The following ABCA2 variants were observed in gnomAD, a reference collection of about 807,000 sequenced individuals.
ABCA2 encodes ATP-binding cassette sub-family A member 2.
Under a neutral mutation model 262.8 loss-of-function variants are expected in ABCA2, and 84 were observed. That is an observed-to-expected ratio of 0.32 (90% confidence interval 0.27 to 0.38). The LOEUF (loss-of-function observed/expected upper bound fraction) is 0.38. Ranked by LOEUF, ABCA2 falls within the 10% of genes least tolerant of loss-of-function variation. The probability of loss-of-function intolerance (pLI) is 1.00; values close to 1 mark genes in which losing one functional copy is unlikely to be tolerated. For missense variants in ABCA2, 2,662 were observed against 3,405.9 expected, an observed-to-expected ratio of 0.78 and a Z score of 5.44; for synonymous variants, 1,696 against 1,502.9, an observed-to-expected ratio of 1.13 and a Z score of -2.97.
At chr9:137,025,394 C>T (rs561590850) in intron 1 of ABCA2, among the ~76,000 whole-genome samples, 2 of 152,352 alleles carry the variant, frequency 1.3e-5, no homozygotes, top group South Asian at 2.1e-4. Context: ...AGCCCGAGGG[C>T]GAGCACCCAG....
intron 9 of ABCA2, 86 bp from the exon 10 acceptor site, chr9:137,020,581 C>T (rs371409935): frequency 5.2e-5 from 81 of 1,546,106 alleles, no homozygotes; most frequent in Admixed American, 3.1e-4. Context: ...GGCAGGACTT[C>T]GGGGCACAGG....
Position 137,014,738 on chromosome 9 carries a change from A to G in ABCA2, c.3955T>C (p.Phe1319Leu). Residue 1319 changes from phenylalanine to leucine, a missense_variant, in exon 26 of 49, where the codon TTC (phenylalanine) becomes CTC (leucine). Phe to Leu is a conservative substitution (Grantham distance 22, BLOSUM62 0). This residue lies in a region of ABCA2 where 297 missense variants were observed against 286.5 expected (regional missense o/e 1.04). Coordinates refer to ENST00000341511, the MANE Select transcript of ABCA2 (RefSeq NM_001606.5). Reference sequence around the variant, plus strand: ...TGATCCTCCTCCGACACCTTGAGGAACACTTCCTCCAGGGTCGTGTCCATC... The same window carrying G: ...TGATCCTCCTCCGACACCTTGAGGAGCACTTCCTCCAGGGTCGTGTCCATC... The part of the protein sequence containing the change: ...GLMDTTLEEV[F>L]LKVSEEDQSL... 6.2e-7 allele frequency: 1 copy of G among 1,603,820 alleles called. No individual in the cohort carries two copies. The highest frequency in any genetic ancestry group is 8.5e-7 in the Non-Finnish European group (1 of 1,176,518).
chr9:137,015,932 C>T (rs769283372), intron 22 of ABCA2, 30 bp downstream of exon 22: 5 of 1,497,190 alleles, frequency 3.3e-6, no homozygotes, highest in South Asian at 1.2e-5. Context: ...CCTCCGCCCA[C>T]CTGCCCCGCC....
intron 1 of ABCA2, among the ~76,000 whole-genome samples, chr9:137,025,388 C>T (rs73564328): frequency 5.3e-5 from 8 of 152,212 alleles, no homozygotes; most frequent in African/African-American, 1.9e-4. Context: ...CTCCCTAGCC[C>T]GAGGGCGAGC....
At chr9:137,024,346 G>GCC in intron 1 of ABCA2, 110 bp from the exon 2 acceptor site, 2 of 914,508 alleles carry the variant, frequency 2.2e-6, no homozygotes, top group Non-Finnish European at 1.6e-6. Context: ...GCTCCCTGGG[G>GCC]CCAGGGAAGG....
rs875285 is a variant in ABCA2, at chr9:137,018,701, G to T, written c.1819+18C>A. 4 of 1,596,268 alleles carry T rather than the reference G, an allele frequency of 2.5e-6. No homozygotes were observed. The highest frequency in any genetic ancestry group is 1.4e-5 in the African/African-American group (1 of 73,522). ...GAGGTCTGTGGGGGGCTGGGGCGGG[G>T]CGGGGAGGGCAGCTCACTGGCAAAA... On this transcript the variant is annotated intron_variant, in intron 13 of 48. Coordinates refer to ENST00000341511, the MANE Select transcript of ABCA2 (RefSeq NM_001606.5).
rs1055282472 is a variant in ABCA2 at position 137,021,028 on chromosome 9, A to C, written c.931T>G (p.Ser311Ala). Residue 311 changes from serine to alanine, a missense_variant, in exon 9 of 49, where the codon TCG becomes GCG. By Grantham distance (99) the Ser-to-Ala change is moderately conservative. Around this residue, in one of 12 missense-constraint regions of ABCA2, gnomAD observed 403 missense variants for 375.9 expected, o/e 1.07. Coordinates refer to ENST00000341511, the MANE Select transcript of ABCA2 (RefSeq NM_001606.5). The surrounding 1 kb of genome is among the most constrained non-coding windows in gnomAD (Gnocchi z 6.0). ...CTCCGTGGGGGTGGCGCCTGTGGCG[A>C]GGAGTCCGAGCCGTTGGGGGCATCC... is the stretch of plus-strand genomic sequence containing the variant. ...GLDAPNGSDS[S>A]PQAPPPRRLQ... is the part of the protein sequence containing the mutation. 5 of 1,486,048 alleles carry C rather than the reference A, an allele frequency of 3.4e-6. No homozygotes were observed. In the African/African-American group the frequency reaches 7.1e-5, roughly 21 times the overall value. The allele number at this position is 1,486,048 out of a possible 1,614,324, so 92.1% of individuals were successfully genotyped here.
chr9:137,014,172 C>A lies in ABCA2; in HGVS notation c.4236G>T (p.Leu1412=). ...DNPQDPDNVS[L]QEVEAEALSR... ...GCCTCACCCTGCCACCCCCACCTTG[C>A]AGGCTGACATTGTCTGGGTCCTGTG... The change falls in exon 27 of 49, where the codon CTG becomes CTT. Residue 1412 remains leucine (L), a synonymous_variant. Transcript: ENST00000341511. 6.2e-7 allele frequency: 1 copy of A among 1,606,696 alleles called. No individual in the cohort carries two copies. The highest frequency in any genetic ancestry group is 8.5e-7 in the Non-Finnish European group (1 of 1,176,740).
intron 1 of ABCA2, among the ~76,000 whole-genome samples, chr9:137,025,719 C>T (rs1031681801): frequency 6.6e-6 from 1 of 152,066 alleles, no homozygotes; most frequent in African/African-American, 2.4e-5. Flanking sequence ...GGTCACAGCA[C>T]GGGGCGCCAG....
intron 3 of ABCA2, 29 bp from the exon 4 acceptor site, chr9:137,023,081 C>G: frequency 6.6e-7 from 1 of 1,511,158 alleles, no homozygotes; most frequent in Non-Finnish European, 9.0e-7. Context: ...AGGGCAGGGT[C>G]GGGGGTGAAA....
At position 137,013,019 on chromosome 9, in the gene ABCA2, G is replaced by A. The variant is rs955604156; in HGVS notation, c.4850C>T (p.Pro1617Leu). 48 of 1,509,134 alleles carry A rather than the reference G, an allele frequency of 3.2e-5. No homozygotes were observed. The highest frequency in any genetic ancestry group is 9.6e-5 in the African/African-American group (7 of 72,616). The allele number at this position is 1,509,134 out of a possible 1,614,324, so 93.5% of individuals were successfully genotyped here. A position where few individuals can be genotyped will look rare whatever the true frequency, so the allele number is the denominator to read the frequency against. ...ACCACTACCTGGCCCAGCGGTGGGCGGCAGGGAGACGTTCCAGGCCTGCAG... is the reference window on the plus strand; with the variant it reads ...ACCACTACCTGGCCCAGCGGTGGGCAGCAGGGAGACGTTCCAGGCCTGCAG... Reference protein sequence around the residue: ...EDLQAWNVSLPPTAGPEMWTS... With the variant: ...EDLQAWNVSLLPTAGPEMWTS... The change falls in exon 30 of 49, where the codon CCG becomes CTG. Residue 1617 changes from proline (P) to leucine (L), a missense_variant. Pro to Leu is a moderately conservative substitution (Grantham distance 98). Transcript: ENST00000341511.
rs758066301 is a variant in ABCA2 at position 137,018,078 on chromosome 9, G to A, written c.1994-3C>T. On this transcript the variant is annotated splice_region_variant and splice_polypyrimidine_tract_variant and intron_variant, in intron 14 of 48. Coordinates refer to ENST00000341511, the MANE Select transcript of ABCA2 (RefSeq NM_001606.5). ...GATGATGGCGCGCTCCATCATGTCTGTGGGTGGGGGCAGCCATCAGGTGCC... is the reference window on the plus strand; with the variant it reads ...GATGATGGCGCGCTCCATCATGTCTATGGGTGGGGGCAGCCATCAGGTGCC... The A allele has an allele frequency of 1.9e-6, 3 of 1,612,126 alleles. No homozygotes were observed. Among genetic ancestry groups the A allele is most frequent in the Non-Finnish European group, 2.5e-6 (3 of 1,179,722 alleles).
At chr9:137,020,297 C>T in intron 10 of ABCA2, 39 bp downstream of exon 10, 2 of 1,608,676 alleles carry the variant, frequency 1.2e-6, no homozygotes, top group East Asian at 2.2e-5. Context: ...CCCCCTCCCA[C>T]TCTGCCTGTC....
rs2131434323 is a variant in ABCA2, at chr9:137,011,693, C to T, written c.5592G>A (p.Leu1864=). 1 of 1,554,510 alleles carries T rather than the reference C, an allele frequency of 6.4e-7. No homozygotes were observed. Among genetic ancestry groups the T allele is most frequent in the East Asian group, 2.4e-5 (1 of 41,162 alleles). The change falls in exon 36 of 49, where the codon CTG becomes CTA. Residue 1864 remains leucine, a synonymous_variant. Coordinates refer to ENST00000341511, the MANE Select transcript of ABCA2 (RefSeq NM_001606.5). This position sits in a 1 kb window ranked among gnomAD's most constrained non-coding sequence, Gnocchi z 8.8. ...CCVIILFVFD[L]PAYTSPTNFP... ...AGTTGGTGGGCGACGTGTAGGCCGG[C>T]AGGTCGAACACAAACAGGATGATGA... is the stretch of plus-strand genomic sequence containing the variant.
At position 137,010,608 on chromosome 9, in the gene ABCA2, C is replaced by A. The variant is rs752112807; in HGVS notation, c.6174+12G>T. On this transcript the variant is annotated intron_variant, in intron 40 of 48. Transcript: ENST00000341511. Reference sequence around the variant, plus strand: ...CCCCACCCAGGCCCCACCCTACATGCCCAGAGCCCACCTTGGTCAGGTTCT... The same window carrying A: ...CCCCACCCAGGCCCCACCCTACATGACCAGAGCCCACCTTGGTCAGGTTCT... 8 of 1,113,042 alleles carry A rather than the reference C, an allele frequency of 7.2e-6. No individual in the cohort carries two copies. In the East Asian group the frequency reaches 2.1e-4, roughly 29 times the overall value. 68.9% of individuals were successfully genotyped at this position (1,113,042 alleles called of 1,614,324 possible). A position where few individuals can be genotyped will look rare whatever the true frequency, so the allele number is the denominator to read the frequency against.
chr9:137,008,576 T>C lies in ABCA2; in HGVS notation c.7115A>G (p.Gln2372Arg), dbSNP rs200942220. The C allele has an allele frequency of 3.6e-5, 58 of 1,609,438 alleles. No homozygotes were observed. The highest frequency in any genetic ancestry group is 1.4e-5 in the Non-Finnish European group (16 of 1,178,592). ...CAGTGCGGATGGCGGCTCCGTCTCC[T>C]GCTGCTCCAGGTTGTCACTCTGCTT... ...AKKQSDNLEQ[Q>R]ETEPPSALQS... The change falls in exon 48 of 49, where the codon CAG becomes CGG. Residue 2372 changes from glutamine (Q) to arginine (R), a missense_variant. Physicochemically the swap from Gln to Arg is conservative, Grantham distance 43 (BLOSUM62 1). Around this residue, in one of 12 missense-constraint regions of ABCA2, gnomAD observed 212 missense variants for 214.4 expected, o/e 0.99. Coordinates refer to ENST00000341511, the MANE Select transcript of ABCA2 (RefSeq NM_001606.5).
intron 1 of ABCA2, among the ~76,000 whole-genome samples, chr9:137,024,574 A>G (rs1224617881): frequency 2.6e-5 from 4 of 152,148 alleles, no homozygotes; most frequent in African/African-American, 9.7e-5. Context: ...CCCCACCTCC[A>G]GGGCTACCTG....
intron 9 of ABCA2, 75 bp downstream of exon 9, chr9:137,020,619 C>T: frequency 2.6e-6 from 4 of 1,567,250 alleles, no homozygotes; most frequent in Non-Finnish European, 3.4e-6. Flanking sequence ...ACCTCCAGAG[C>T]CAGAGCCTAG....
chr9:137,016,930 A>G lies in ABCA2; in HGVS notation c.2748T>C (p.Ala916=), dbSNP rs1831278413. 1 of 1,612,546 alleles carries G rather than the reference A, an allele frequency of 6.2e-7. No homozygotes were observed. Among genetic ancestry groups the G allele is most frequent in the South Asian group, 1.1e-5 (1 of 91,082 alleles). ...AGGGCTGGCCAGTACCTGGGTGCAC[A>G]GCCTCAATGTACCACGTGAGGATGC... ...VYGILTWYIE[A]VHPGMYGLPR... Residue 916 remains alanine, a synonymous_variant, in exon 19 of 49, where the codon GCT becomes GCC. Transcript: ENST00000341511.
Sources: gnomAD v4.1 joint callset for allele counts (sites outside exome capture counted in the v4.1 genomes callset) on GRCh38, gnomAD v4.1.1 for gene constraint, gnomAD v4.1.1 regional missense constraint, Gnocchi (gnomAD v3.1) non-coding constraint, MANE v1.5 for transcripts, NCBI Gene and HGNC (gene_info 2026-07-23, HGNC 2026-07-21) for gene names.